Variants in DAB1 observed in about 807,000 individuals in gnomAD.
DAB1 encodes the protein disabled homolog 1.
Under a neutral mutation model 64.6 loss-of-function variants are expected in DAB1, and 15 were observed. That is an observed-to-expected ratio of 0.23 (90% confidence interval 0.16 to 0.36). The LOEUF is 0.36. Ranked by LOEUF, DAB1 falls within the 10% of genes least tolerant of loss-of-function variation. The pLI is 1.00. For synonymous variants in DAB1, 235 were observed against 251.9 expected (o/e 0.93, Z 0.64); for missense variants, 596 against 706.7 (o/e 0.84, Z 1.78).
At chr1:57,741,982 C>A (rs1419587006) in intron 6 of DAB1, among the ~76,000 whole-genome samples, 1 of 152,172 alleles carries the variant, frequency 6.6e-6, no homozygotes, top group African/African-American at 2.4e-5. Flanking sequence ...CACAGGAGCA[C>A]TAATCCTCTA....
chr1:57,224,049 A>C (rs1445296466), intron 2 of DAB1, among the ~76,000 whole-genome samples: 6 of 152,176 alleles, frequency 3.9e-5, no homozygotes, highest in Non-Finnish European at 8.8e-5. Context: ...TTGCACTTAG[A>C]ACTTTACACT....
intron 7 of DAB1, among the ~76,000 whole-genome samples, chr1:57,444,366 TATGTCTTGGCTTA>T (rs1451712111): frequency 6.6e-6 from 1 of 152,182 alleles, no homozygotes; most frequent in East Asian, 1.9e-4. Flanking sequence ...ATTTTACAGT[TATGTCTTGGCTTA>T]ATGTCTATTT....
intron 7 of DAB1, among the ~76,000 whole-genome samples, chr1:57,491,344 C>T (rs1644161555): frequency 6.6e-6 from 1 of 152,060 alleles, no homozygotes; most frequent in East Asian, 1.9e-4. Context: ...AGGAGAATGG[C>T]GTGAACCCGG....
At chr1:58,178,590 T>C (rs1032687767) in intron 4 of DAB1, among the ~76,000 whole-genome samples, 1 of 152,196 alleles carries the variant, frequency 6.6e-6, no homozygotes, top group African/African-American at 2.4e-5. Flanking sequence ...CGGTAAATGG[T>C]AGCTATTAGT....
chr1:57,007,804 A>G (rs1396000555), intron 14 of DAB1, among the ~76,000 whole-genome samples: 1 of 152,252 alleles, frequency 6.6e-6, no homozygotes, highest in African/African-American at 2.4e-5. Context: ...AGCCATGGAC[A>G]TAACTTTCCC....
intron 2 of DAB1, among the ~76,000 whole-genome samples, chr1:57,165,941 C>T (rs1314421273): frequency 5.3e-5 from 8 of 152,192 alleles, no homozygotes. Context: ...AAGAGTTAGA[C>T]ATTCTGATGG....
chr1:58,132,295 C>T (rs1441004709), intron 5 of DAB1, among the ~76,000 whole-genome samples: 2 of 152,182 alleles, frequency 1.3e-5, no homozygotes, highest in South Asian at 2.1e-4. Context: ...CCAAGTGAGG[C>T]AATGCCTCAC....
intron 6 of DAB1, among the ~76,000 whole-genome samples, chr1:57,757,932 TCAGCC>T: frequency 6.6e-6 from 1 of 152,092 alleles, no homozygotes; most frequent in East Asian, 1.9e-4. Context: ...TCCTTCTGCC[TCAGCC>T]TCCTGAGTAG....
At chr1:57,306,629 G>A (rs753368646) in intron 1 of DAB1, among the ~76,000 whole-genome samples, 44 of 150,632 alleles carry the variant, frequency 2.9e-4, no homozygotes, top group Non-Finnish European at 8.8e-5. Flanking sequence ...TGGTAAATTC[G>A]GAAAACAGTT....
chr1:58,361,404 A>G (rs1644165782), intron 3 of DAB1, among the ~76,000 whole-genome samples: 1 of 152,208 alleles, frequency 6.6e-6, no homozygotes, highest in African/African-American at 2.4e-5. Context: ...AACCCCCACT[A>G]TCATGCAATG....
chr1:57,391,865 G>A (rs1192434654), intron 1 of DAB1, among the ~76,000 whole-genome samples: 1 of 151,590 alleles, frequency 6.6e-6, no homozygotes, highest in African/African-American at 2.4e-5. Flanking sequence ...TTGCTGGAAA[G>A]TTGCATTTTT....
At chr1:58,116,164 G>A (rs1652324292) in intron 5 of DAB1, among the ~76,000 whole-genome samples, 1 of 152,134 alleles carries the variant, frequency 6.6e-6, no homozygotes. Flanking sequence ...GAAAGCTTTA[G>A]CTTTAGCTTT....
intron 5 of DAB1, among the ~76,000 whole-genome samples, chr1:58,073,243 T>C (rs1242175253): frequency 6.6e-6 from 1 of 152,178 alleles, no homozygotes; most frequent in East Asian, 1.9e-4. Context: ...TCACACATAC[T>C]GTGTTGTCTG....
At chr1:57,123,027 C>G (rs907737462) in intron 4 of DAB1, among the ~76,000 whole-genome samples, 2 of 151,848 alleles carry the variant, frequency 1.3e-5, no homozygotes, top group Admixed American at 1.3e-4. Flanking sequence ...CAGCTTTATG[C>G]AAAGAAAAGA....
At position 57,332,348 on chromosome 1, in the gene DAB1, T is replaced by A. The variant is rs1478152991; in HGVS notation, c.-136-41182A>T. ...TCTCTGTTATTCATAACCAAACACATGGATAGAGACCCATCCTCACTATGC... is the reference window on the plus strand; with the variant it reads ...TCTCTGTTATTCATAACCAAACACAAGGATAGAGACCCATCCTCACTATGC... On this transcript the variant is annotated intron_variant, in intron 1 of 14. Transcript: ENST00000371236. 6.0e-5 allele frequency among the ~76,000 whole-genome samples: 9 copies of A among 150,016 alleles called. No individual in the cohort carries two copies. The Admixed American group carries it at 6.0e-4, about 10-fold the overall frequency.
chr1:57,141,400 G>T (rs1232933123), intron 3 of DAB1, among the ~76,000 whole-genome samples: 3 of 152,090 alleles, frequency 2.0e-5, no homozygotes, highest in Non-Finnish European at 4.4e-5. Context: ...TCCTTCATTT[G>T]CATCTCTGGT....
chr1:57,663,577 T>G (rs1225042440), intron 6 of DAB1, among the ~76,000 whole-genome samples: 1 of 152,200 alleles, frequency 6.6e-6, no homozygotes, highest in African/African-American at 2.4e-5. Flanking sequence ...AATTACAAAT[T>G]TTAAATTGTC....
chr1:57,971,161 T>C (rs1187860613), intron 5 of DAB1, among the ~76,000 whole-genome samples: 1 of 152,212 alleles, frequency 6.6e-6, no homozygotes, highest in Non-Finnish European at 1.5e-5. Context: ...TTGGATCTTT[T>C]GGCTTCATGA....
chr1:57,738,686 T>C (rs762158396), intron 6 of DAB1, among the ~76,000 whole-genome samples: 8 of 152,220 alleles, frequency 5.3e-5, no homozygotes, highest in Non-Finnish European at 8.8e-5. Flanking sequence ...AGAAACTCCA[T>C]GTAATTGTTC....
Sources: gnomAD v4.1 joint callset for allele counts (sites outside exome capture counted in the v4.1 genomes callset) on GRCh38, gnomAD v4.1.1 for gene constraint, MANE v1.5 for transcripts, NCBI Gene and HGNC (gene_info 2026-07-23, HGNC 2026-07-21) for gene names.